The following UBE2H variants were observed in gnomAD, a reference collection of about 807,000 sequenced individuals.
UBE2H encodes ubiquitin conjugating enzyme E2 H.
Under a neutral mutation model 29.0 loss-of-function variants are expected in UBE2H, and 3 were observed. The observed-to-expected ratio is 0.10, with a 90% confidence interval of 0.05 to 0.27. The LOEUF (loss-of-function observed/expected upper bound fraction) is 0.27, where lower values mean the gene tolerates loss of function less well. UBE2H is among the 10% of genes least tolerant of loss of function. The pLI, the probability that UBE2H is intolerant of heterozygous loss-of-function variation, is 1.00. For missense variants in UBE2H, 68 were observed against 228.2 expected (o/e 0.30, Z 4.52); for synonymous variants, 69 against 82.9 (o/e 0.83, Z 0.91).
intron 3 of UBE2H, among the ~76,000 whole-genome samples, chr7:129,866,848 A>T (rs1447308708): frequency 6.6e-6 from 1 of 151,884 alleles, no homozygotes; most frequent in Non-Finnish European, 1.5e-5. Flanking sequence ...TATTCCTAAA[A>T]CTAGGTTAAA....
chr7:129,857,424 C>T (rs1336786027), intron 5 of UBE2H, 87 bp downstream of exon 5: 20 of 1,422,362 alleles, frequency 1.4e-5, no homozygotes, highest in Non-Finnish European at 1.7e-5. Flanking sequence ...ACCAACAAAA[C>T]ATCTTAAACC....
chr7:129,869,916 G>A (rs1805994266), intron 3 of UBE2H, among the ~76,000 whole-genome samples: 1 of 152,082 alleles, frequency 6.6e-6, no homozygotes, highest in Non-Finnish European at 1.5e-5. Flanking sequence ...TCTCTAGTGG[G>A]TCGCTCCCCC....
chr7:129,949,820 C>T (rs1412946868), intron 1 of UBE2H, among the ~76,000 whole-genome samples: 2 of 152,136 alleles, frequency 1.3e-5, no homozygotes, highest in Non-Finnish European at 2.9e-5. Flanking sequence ...GGTATAATTA[C>T]GCTCAGGAGA....
intron 1 of UBE2H, among the ~76,000 whole-genome samples, chr7:129,887,680 T>TGTAATC (rs376637404): frequency 6.6e-6 from 1 of 150,742 alleles, no homozygotes; most frequent in Non-Finnish European, 1.5e-5. Flanking sequence ...GGCTCACACC[T>TGTAATC]CCTGAGGTCG....
chr7:129,870,707 CAGT>C (rs1258400708), intron 3 of UBE2H, among the ~76,000 whole-genome samples: 3 of 148,328 alleles, frequency 2.0e-5, no homozygotes, highest in African/African-American at 7.5e-5. Context: ...TGCCCCACAG[CAGT>C]AGAATGATCA....
intron 4 of UBE2H, 96 bp from the exon 5 acceptor site, chr7:129,857,659 T>C (rs1357679902): frequency 3.1e-6 from 4 of 1,286,390 alleles, no homozygotes; most frequent in African/African-American, 1.5e-5. Flanking sequence ...GAAATACTTC[T>C]AATAGATCTG....
At chr7:129,939,529 G>C (rs1584799141) in intron 1 of UBE2H, among the ~76,000 whole-genome samples, 2 of 152,156 alleles carry the variant, frequency 1.3e-5, no homozygotes, top group Non-Finnish European at 2.9e-5. Context: ...TACTCTTGGT[G>C]ATCTCTTACT....
At chr7:129,931,372 A>C (rs1392979784) in intron 1 of UBE2H, among the ~76,000 whole-genome samples, 2 of 152,094 alleles carry the variant, frequency 1.3e-5, no homozygotes, top group Admixed American at 6.6e-5. Flanking sequence ...TGGGCAACAG[A>C]GTAAGACTCT....
rs150544665 is a variant in UBE2H at position 129,882,760 on chromosome 7, T to C, written c.54-1789A>G. Among the ~76,000 whole-genome samples, 38 of 152,354 alleles carry C rather than the reference T, an allele frequency of 2.5e-4. No individual in the cohort carries two copies. The East Asian group carries it at 6.4e-3, about 25-fold the overall frequency. ...CAAAATATTCCAAAGTTAACGTTAATGTAATAAGTAAAAGCATAACATGCT... is the reference window on the plus strand; with the variant it reads ...CAAAATATTCCAAAGTTAACGTTAACGTAATAAGTAAAAGCATAACATGCT... On this transcript the variant is annotated intron_variant, in intron 1 of 6. Coordinates refer to ENST00000355621, the MANE Select transcript of UBE2H (RefSeq NM_003344.4).
At chr7:129,872,429 T>A (rs1806057836) in intron 3 of UBE2H, among the ~76,000 whole-genome samples, 1 of 152,114 alleles carries the variant, frequency 6.6e-6, no homozygotes, top group Admixed American at 6.5e-5. Context: ...CCAAAAATAG[T>A]GTGAGGTCAT....
rs577122208 is a variant in UBE2H at position 129,936,451 on chromosome 7, G to A, written c.53+16052C>T. On this transcript the variant is annotated intron_variant, in intron 1 of 6. Coordinates refer to ENST00000355621, the MANE Select transcript of UBE2H (RefSeq NM_003344.4). The stretch of plus-strand genomic sequence containing the variant: ...CTACTAAAAATACAAAAAATTAGCC[G>A]GGCGTAGTGGCGGGCGCCTGTAGTC... Among the ~76,000 whole-genome samples, 1,296 of 151,746 alleles carry A rather than the reference G, an allele frequency of 8.5e-3. 7 individuals carry two copies. Among genetic ancestry groups the A allele is most frequent in the South Asian group, 0.018 (87 of 4,798 alleles).
chr7:129,897,365 G>A lies in UBE2H; in HGVS notation c.54-16394C>T, dbSNP rs536965248. Among the ~76,000 whole-genome samples, 8 of 152,254 alleles carry A rather than the reference G, an allele frequency of 5.3e-5. No individual in the cohort carries two copies. In the South Asian group the frequency reaches 1.2e-3, roughly 24 times the overall value. On this transcript the variant is annotated intron_variant, in intron 1 of 6. Coordinates refer to ENST00000355621, the MANE Select transcript of UBE2H (RefSeq NM_003344.4). Reference sequence around the variant, plus strand: ...CTAAAGCTCTAATCATAGTCTGCTCGTTCTCCAGTTATCTTGCATAATATG... The same window carrying A: ...CTAAAGCTCTAATCATAGTCTGCTCATTCTCCAGTTATCTTGCATAATATG...
intron 1 of UBE2H, among the ~76,000 whole-genome samples, chr7:129,904,316 C>A (rs75541581): frequency 0.014 from 2,079 of 151,700 alleles, 47 homozygotes; most frequent in African/African-American, 0.047. Context: ...ATGGGGATCT[C>A]GCTGTGTTGG....
chr7:129,867,725 A>AAC (rs1563027583), intron 3 of UBE2H, among the ~76,000 whole-genome samples: 8 of 45,248 alleles, frequency 1.8e-4, no homozygotes, highest in Non-Finnish European at 2.8e-4. Flanking sequence ...AAAGAAAACC[A>AAC]AAAAAAAAAA....
intron 1 of UBE2H, among the ~76,000 whole-genome samples, chr7:129,949,703 A>C (rs1472118742): frequency 1.3e-5 from 2 of 152,184 alleles, no homozygotes; most frequent in African/African-American, 4.8e-5. Context: ...GAACCGAGCG[A>C]GGTGGTGGAA....
chr7:129,930,941 G>A (rs1315805605), intron 1 of UBE2H, among the ~76,000 whole-genome samples: 8 of 145,280 alleles, frequency 5.5e-5, no homozygotes, highest in African/African-American at 1.5e-4. Context: ...AAACAAGGCC[G>A]GGCACAGTGG....
rs553155032 is a variant in UBE2H at position 129,875,374 on chromosome 7, T to A, written c.205+4194A>T. On this transcript the variant is annotated intron_variant, in intron 3 of 6. Coordinates refer to ENST00000355621, the MANE Select transcript of UBE2H (RefSeq NM_003344.4). ...TTTATCCACTAAGATGCACTATCAC[T>A]TAGCTACTTTATCACCGACTGGGTC... 6.8e-4 allele frequency among the ~76,000 whole-genome samples: 103 copies of A among 152,364 alleles called. 1 individual carries two copies. The highest frequency in any genetic ancestry group is 7.7e-4 in the East Asian group (4 of 5,194).
intron 1 of UBE2H, among the ~76,000 whole-genome samples, chr7:129,898,352 T>C (rs1244340502): frequency 6.6e-6 from 1 of 152,154 alleles, no homozygotes; most frequent in Non-Finnish European, 1.5e-5. Context: ...AATTAGGACA[T>C]ATGAAGTGAT....
At chr7:129,887,599 G>T (rs779957167) in intron 1 of UBE2H, among the ~76,000 whole-genome samples, 1 of 152,086 alleles carries the variant, frequency 6.6e-6, no homozygotes, top group Non-Finnish European at 1.5e-5. Context: ...CCTGAGGTGC[G>T]ACAGTTTGAA....
Sources: gnomAD v4.1 joint callset for allele counts (sites outside exome capture counted in the v4.1 genomes callset) on GRCh38, gnomAD v4.1.1 for gene constraint, MANE v1.5 for transcripts, NCBI Gene and HGNC (gene_info 2026-07-23, HGNC 2026-07-21) for gene names.